The following DNM2 variants were observed in gnomAD, a reference collection of about 807,000 sequenced individuals.
DNM2 encodes the protein dynamin 2, also known as dynamin-2.
A neutral mutation model predicts 99.0 loss-of-function variants in DNM2; 15 were observed. The ratio of observed to expected loss-of-function variants is 0.15; its 90% confidence interval spans 0.10 to 0.23. DNM2 has a LOEUF of 0.23. Among genes scored for constraint, DNM2 ranks in the 10% least tolerant of loss-of-function variants. The pLI, the probability that DNM2 is intolerant of heterozygous loss-of-function variation, is 1.00. For synonymous variants in DNM2, 525 were observed against 481.2 expected (o/e 1.09, Z -1.19); for missense variants, 742 against 1,189.4 (o/e 0.62, Z 5.53).
In DNM2 at chr19:10,825,087, A is replaced by T. The variant is rs1262308277; in HGVS notation, c.1924A>T (p.Thr642Ser). The change falls in exon 18 of 21, where the codon ACC (threonine) becomes TCC (serine). Residue 642 changes from threonine (T) to serine (S), a missense_variant. Around this residue, in one of 7 missense-constraint regions of DNM2, gnomAD observed 240 missense variants for 431.3 expected, o/e 0.56. Coordinates refer to ENST00000389253, the MANE Select transcript of DNM2 (RefSeq NM_001005361.3). ...AAACGAGGATGGGGCCCAGGAGAAC[A>T]CCTTCTCCATGGACCCCCAACTGGA... ...AENEDGAQEN[T>S]FSMDPQLERQ... The T allele has an allele frequency of 1.2e-6, 2 of 1,614,166 alleles. No homozygotes were observed. The highest frequency in any genetic ancestry group is 3.3e-5 in the Admixed American group (2 of 60,018).
At chr19:10,780,347 C>G (rs2071326644) in intron 5 of DNM2, 1 of 152,720 alleles carries the variant, frequency 6.5e-6, no homozygotes, top group East Asian at 1.9e-4. Context: ...CCCGACCCGG[C>G]TGCCCTTGGA....
intron 16 of DNM2, 65 bp from the exon 17 acceptor site, chr19:10,823,723 C>T (rs900544336): frequency 3.9e-6 from 6 of 1,527,336 alleles, no homozygotes; most frequent in Admixed American, 3.3e-5. Flanking sequence ...GCCCATTCCT[C>T]TCGGCAGTCT....
intron 6 of DNM2, 159 bp from the exon 7 acceptor site, chr19:10,786,405 C>T: frequency 8.4e-7 from 1 of 1,193,362 alleles, no homozygotes; most frequent in Non-Finnish European, 1.2e-6. Flanking sequence ...ATGAGTGTGT[C>T]TGTGGCTTGA....
At position 10,786,080 on chromosome 19, in the gene DNM2, G is replaced by T. The variant is rs2071547908; in HGVS notation, c.850-484G>T. Among the ~76,000 whole-genome samples the T allele has an allele frequency of 2.6e-5, 4 of 152,226 alleles. No individual in the cohort carries two copies. The South Asian group carries it at 6.2e-4, about 24-fold the overall frequency. On this transcript the variant is annotated intron_variant, in intron 6 of 20. Coordinates refer to ENST00000389253, the MANE Select transcript of DNM2 (RefSeq NM_001005361.3). ...CTCCCAAAGTGCTGGGATTGCAGGT[G>T]TGTACCACCATGCCTGGCCCACATT...
intron 11 of DNM2, among the ~76,000 whole-genome samples, chr19:10,800,914 CGCGCGT>C (rs1162716013): frequency 1.3e-5 from 2 of 152,178 alleles, no homozygotes; most frequent in African/African-American, 4.8e-5. Flanking sequence ...TGTGTGTGTG[CGCGCGT>C]GCACGTGCAC....
At chr19:10,780,960 G>C (rs957495889) in intron 5 of DNM2, among the ~76,000 whole-genome samples, 1 of 148,814 alleles carries the variant, frequency 6.7e-6, no homozygotes, top group African/African-American at 2.5e-5. Flanking sequence ...AGAGGTTGTA[G>C]TGAGCTGAGA....
rs2072802517 is a variant in DNM2, at chr19:10,817,712, A to G, written c.1672-2268A>G. Among the ~76,000 whole-genome samples the G allele has an allele frequency of 8.0e-6, 1 of 125,014 alleles. No individual in the cohort carries two copies. The highest frequency in any genetic ancestry group is 1.6e-5 in the Non-Finnish European group (1 of 62,346). 82.0% of individuals were successfully genotyped at this position (125,014 alleles called of 152,430 possible). A position where few individuals can be genotyped will look rare whatever the true frequency, so the allele number is the denominator to read the frequency against. On this transcript the variant is annotated intron_variant, in intron 15 of 20. Coordinates refer to ENST00000389253, the MANE Select transcript of DNM2 (RefSeq NM_001005361.3). This position sits in a 1 kb window ranked among gnomAD's most constrained non-coding sequence, Gnocchi z 4.6. ...TAAAGAGTGGGGGAGGCGGAGCAGGAGGCAGGGTTTGGGATCGTGGCTTCT... is the reference window on the plus strand; with the variant it reads ...TAAAGAGTGGGGGAGGCGGAGCAGGGGGCAGGGTTTGGGATCGTGGCTTCT...
At position 10,817,474 on chromosome 19, in the gene DNM2, G is replaced by T; in HGVS notation, c.1672-2506G>T. The stretch of plus-strand genomic sequence containing the variant: ...GTACACATTGAGAGCCTCCTGAACA[G>T]GTAGTCTGAACACTGGGTTGGCGGG... On this transcript the variant is annotated intron_variant, in intron 15 of 20. Coordinates refer to ENST00000389253, the MANE Select transcript of DNM2 (RefSeq NM_001005361.3). The surrounding 1 kb of genome is among the most constrained non-coding windows in gnomAD (Gnocchi z 4.6). The T allele has an allele frequency of 2.0e-6, 1 of 489,664 alleles. No homozygotes were observed. Among genetic ancestry groups the T allele is most frequent in the Non-Finnish European group, 4.2e-6 (1 of 237,974 alleles). The allele number at this position is 489,664 out of a possible 1,614,324, so 30.3% of individuals were successfully genotyped here.
intron 1 of DNM2, among the ~76,000 whole-genome samples, chr19:10,746,453 C>T (rs1253093540): frequency 6.6e-6 from 1 of 151,904 alleles, no homozygotes; most frequent in Non-Finnish European, 1.5e-5. Context: ...GATGGAGTTT[C>T]ACTCTTATTG....
chr19:10,738,009 C>G (rs1201338890), intron 1 of DNM2, among the ~76,000 whole-genome samples: 1 of 152,174 alleles, frequency 6.6e-6, no homozygotes, highest in Non-Finnish European at 1.5e-5. Context: ...CAGGCTCTGA[C>G]CTGAACTGCC....
rs752362234 is a variant in DNM2 at position 10,797,537 on chromosome 19, A to G, written c.1335+19A>G. 1 of 1,612,404 alleles carries G rather than the reference A, an allele frequency of 6.2e-7. No homozygotes were observed. Among genetic ancestry groups the G allele is most frequent in the Admixed American group, 1.7e-5 (1 of 59,930 alleles). On this transcript the variant is annotated intron_variant, in intron 10 of 20. Transcript: ENST00000389253. ...CGAGAAGGTAACAGGTTTTGTTCTC[A>G]TCTCCGCATTTGTCCCCGTCCTCCC...
intron 1 of DNM2, among the ~76,000 whole-genome samples, chr19:10,756,567 G>A (rs964112887): frequency 2.0e-5 from 3 of 152,308 alleles, no homozygotes; most frequent in East Asian, 3.9e-4. Context: ...CTAGTGCCTG[G>A]CAGGCAGGTC....
chr19:10,798,338 C>T lies in DNM2; in HGVS notation c.1336-148C>T. ...TCTGCTCTTAGCTCCCAGCTGGACTCACTGGGGGCCAGGAGCAAGGTGTGG... is the reference window on the plus strand; with the variant it reads ...TCTGCTCTTAGCTCCCAGCTGGACTTACTGGGGGCCAGGAGCAAGGTGTGG... On this transcript the variant is annotated intron_variant, in intron 10 of 20. Coordinates refer to ENST00000389253, the MANE Select transcript of DNM2 (RefSeq NM_001005361.3). 21 of 680,822 alleles carry T rather than the reference C, an allele frequency of 3.1e-5. No individual in the cohort carries two copies. The South Asian group carries it at 3.3e-4, about 11-fold the overall frequency. 42.2% of individuals were successfully genotyped at this position (680,822 alleles called of 1,614,324 possible). A position where few individuals can be genotyped will look rare whatever the true frequency, so the allele number is the denominator to read the frequency against.
intron 2 of DNM2, among the ~76,000 whole-genome samples, chr19:10,771,679 A>G (rs1366455094): frequency 6.6e-6 from 1 of 152,180 alleles, no homozygotes; most frequent in Non-Finnish European, 1.5e-5. Flanking sequence ...ACCCACAGCA[A>G]GGGAGGCTCT....
intron 1 of DNM2, among the ~76,000 whole-genome samples, chr19:10,756,875 C>T (rs537169762): frequency 3.9e-5 from 6 of 152,250 alleles, no homozygotes; most frequent in East Asian, 3.9e-4. Flanking sequence ...TCTCTGGTTT[C>T]GCCCCTGATG....
chr19:10,791,510 G>T (rs999924045), intron 7 of DNM2, among the ~76,000 whole-genome samples: 9 of 152,140 alleles, frequency 5.9e-5, no homozygotes, highest in Non-Finnish European at 1.0e-4. Flanking sequence ...CGAGGTACAG[G>T]GGGGCAGGAT....
intron 18 of DNM2, among the ~76,000 whole-genome samples, chr19:10,828,017 G>A (rs1196446114): frequency 6.6e-6 from 1 of 152,108 alleles, no homozygotes; most frequent in Non-Finnish European, 1.5e-5. Context: ...GGGCGCAGTG[G>A]CTCACTCACG....
intron 18 of DNM2, among the ~76,000 whole-genome samples, chr19:10,828,026 C>A (rs757778913): frequency 6.6e-6 from 1 of 151,458 alleles, no homozygotes; most frequent in Non-Finnish European, 1.5e-5. Flanking sequence ...GGCTCACTCA[C>A]GCCTGTAATC....
intron 1 of DNM2, among the ~76,000 whole-genome samples, chr19:10,723,124 C>A (rs891568688): frequency 7.3e-5 from 11 of 150,260 alleles, no homozygotes; most frequent in African/African-American, 2.7e-4. Context: ...AGCCACCACA[C>A]CTGGCTAATT....
Sources: gnomAD v4.1 joint callset for allele counts (sites outside exome capture counted in the v4.1 genomes callset) on GRCh38, gnomAD v4.1.1 for gene constraint, gnomAD v4.1.1 regional missense constraint, Gnocchi (gnomAD v3.1) non-coding constraint, MANE v1.5 for transcripts, NCBI Gene and HGNC (gene_info 2026-07-23, HGNC 2026-07-21) for gene names.